Variants in CDH7 observed in about 807,000 individuals in gnomAD.
The protein encoded by CDH7 is cadherin-7.
In CDH7, 25 loss-of-function variants were observed where a neutral mutation model predicts 71.8. The observed-to-expected ratio is 0.35, with a 90% CI of 0.25 to 0.49. The LOEUF is 0.49. CDH7 is among the 20% of genes least tolerant of loss of function. The probability of loss-of-function intolerance (pLI) is 0.99; values close to 1 mark genes in which losing one functional copy is unlikely to be tolerated. For synonymous variants in CDH7, 381 were observed against 363.8 expected (o/e 1.05, Z -0.54); for missense variants, 862 against 974.6 (o/e 0.88, Z 1.54).
chr18:65,852,354 T>C (rs966000938), intron 7 of CDH7, among the ~76,000 whole-genome samples: 9 of 152,166 alleles, frequency 5.9e-5, no homozygotes, highest in Non-Finnish European at 1.3e-4. Flanking sequence ...TTAGAAATTG[T>C]GCTTGGCTAG....
chr18:65,781,767 T>TTTCCTTCC (rs1189209857), intron 2 of CDH7, among the ~76,000 whole-genome samples: 28 of 75,506 alleles, frequency 3.7e-4, no homozygotes, highest in East Asian at 7.9e-4. Context: ...TCTTTCTTTC[T>TTTCCTTCC]TTCCTTCCTT....
chr18:65,839,479 T>G (rs1293161666), intron 6 of CDH7, among the ~76,000 whole-genome samples: 1 of 152,186 alleles, frequency 6.6e-6, no homozygotes, highest in Non-Finnish European at 1.5e-5. Flanking sequence ...TCCCACCTCC[T>G]AATGGCATCA....
intron 6 of CDH7, among the ~76,000 whole-genome samples, chr18:65,838,020 G>A (rs572530592): frequency 4.7e-5 from 7 of 150,266 alleles, no homozygotes; most frequent in African/African-American, 1.5e-4. Context: ...TGCCTGCTGC[G>A]TTCAAGCAAT....
chr18:65,840,910 T>A (rs1240703887), intron 6 of CDH7, among the ~76,000 whole-genome samples: 1 of 152,160 alleles, frequency 6.6e-6, no homozygotes, highest in South Asian at 2.1e-4. Flanking sequence ...ATTTTTCAAG[T>A]ATAATCTTAG....
At chr18:65,763,592 GGGGTGT>G (rs200119792) in intron 2 of CDH7, among the ~76,000 whole-genome samples, 2,613 of 131,066 alleles carry the variant, frequency 0.02, 49 homozygotes, top group African/African-American at 0.052. Flanking sequence ...TTTTGATAGG[GGGGTGT>G]GTGTGTGTGT....
At chr18:65,869,196 A>G (rs1048985768) in intron 11 of CDH7, among the ~76,000 whole-genome samples, 7 of 145,832 alleles carry the variant, frequency 4.8e-5, no homozygotes, top group Non-Finnish European at 6.0e-5. Flanking sequence ...TCTGTCTCTT[A>G]TTGTTGCACC....
Position 65,880,485 on chromosome 18 carries a change from T to C in CDH7, c.1949T>C (p.Ile650Thr), listed in dbSNP as rs751419430. ...GAAGAAAGAGACATCAGAGAAAATA[T>C]TGTGAGATACGATGACGAGGGCGGG... ...FDEERDIRENIVRYDDEGGGE... is the reference protein window; with the variant it reads ...FDEERDIRENTVRYDDEGGGE... The change falls in exon 12 of 12, where the codon ATT (isoleucine) becomes ACT (threonine). Residue 650 changes from isoleucine to threonine, a missense_variant. Coordinates refer to ENST00000397968, the MANE Select transcript of CDH7 (RefSeq NM_004361.5). 2 of 1,600,544 alleles carry C rather than the reference T, an allele frequency of 1.2e-6. No individual in the cohort carries two copies. Among genetic ancestry groups the C allele is most frequent in the Admixed American group, 3.6e-5 (2 of 55,948 alleles).
At chr18:65,794,602 A>C (rs192548611) in intron 2 of CDH7, among the ~76,000 whole-genome samples, 22 of 152,120 alleles carry the variant, frequency 1.4e-4, no homozygotes, top group African/African-American at 5.3e-4. Context: ...GAAAAAAAAA[A>C]AAACCTGAAA....
chr18:65,809,680 C>T, intron 2 of CDH7, 24 bp from the exon 3 acceptor site: 1 of 1,592,546 alleles, frequency 6.3e-7, no homozygotes, highest in Non-Finnish European at 8.6e-7. Flanking sequence ...AAGTTAATCT[C>T]ATCTCACATG....
intron 6 of CDH7, among the ~76,000 whole-genome samples, chr18:65,826,049 AAATTCT>A (rs1157885483): frequency 2.0e-5 from 3 of 151,604 alleles, no homozygotes; most frequent in Admixed American, 6.6e-5. Flanking sequence ...GAATCTTTGA[AAATTCT>A]AAATTTAATA....
In CDH7 at chr18:65,880,442, G is replaced by A. The variant is rs1287864056; in HGVS notation, c.1906G>A (p.Glu636Lys). 1.3e-6 allele frequency: 2 copies of A among 1,565,208 alleles called. No homozygotes were observed. Among genetic ancestry groups the A allele is most frequent in the Non-Finnish European group, 1.7e-6 (2 of 1,162,738 alleles). ...CGTCACTATGAGAAGACGGAAAAAA[G>A]AGCCCCTTATTTTTGACGAAGAAAG... ...LIVTMRRRKK[E>K]PLIFDEERDI... Residue 636 changes from glutamate to lysine, a missense_variant, in exon 12 of 12, where the codon GAG (glutamate) becomes AAG (lysine). Coordinates refer to ENST00000397968, the MANE Select transcript of CDH7 (RefSeq NM_004361.5).
intron 2 of CDH7, among the ~76,000 whole-genome samples, chr18:65,791,752 G>A (rs1233816378): frequency 6.6e-6 from 1 of 152,184 alleles, no homozygotes; most frequent in East Asian, 1.9e-4. Flanking sequence ...ATGTAATCCT[G>A]CGATGCTCAC....
At chr18:65,773,465 G>GT (rs1916605671) in intron 2 of CDH7, among the ~76,000 whole-genome samples, 1 of 152,092 alleles carries the variant, frequency 6.6e-6, no homozygotes, top group South Asian at 2.1e-4. Context: ...GAGTGATCAG[G>GT]TAGCCTGAGG....
At chr18:65,843,656 A>C (rs1912816739) in intron 6 of CDH7, among the ~76,000 whole-genome samples, 156 bp from the exon 7 acceptor site, 1 of 152,150 alleles carries the variant, frequency 6.6e-6, no homozygotes, top group Non-Finnish European at 1.5e-5. Context: ...AGCAACAAGA[A>C]ATCTGATTGG....
In CDH7 at chr18:65,857,890, C is replaced by T; in HGVS notation, c.1310C>T (p.Ala437Val). 1 of 1,613,590 alleles carries T rather than the reference C, an allele frequency of 6.2e-7. No individual in the cohort carries two copies. Among genetic ancestry groups the T allele is most frequent in the South Asian group, 1.1e-5 (1 of 91,070 alleles). ...IDANSGVITT[A>V]KSLDRETNAI... is the part of the protein sequence containing the mutation. Reference sequence around the variant, plus strand: ...GCCAACAGTGGGGTCATCACAACTGCCAAGTCTTTGGATCGAGAGACAAAT... The same window carrying T: ...GCCAACAGTGGGGTCATCACAACTGTCAAGTCTTTGGATCGAGAGACAAAT... The change falls in exon 8 of 12, where the codon GCC (alanine) becomes GTC (valine). Residue 437 changes from alanine to valine, a missense_variant. Physicochemically the swap from Ala to Val is moderately conservative, Grantham distance 64. Coordinates refer to ENST00000397968, the MANE Select transcript of CDH7 (RefSeq NM_004361.5).
chr18:65,864,660 G>A (rs1326690853), intron 11 of CDH7, among the ~76,000 whole-genome samples: 1 of 151,456 alleles, frequency 6.6e-6, no homozygotes, highest in East Asian at 1.9e-4. Context: ...AGGCTGAGGC[G>A]GGCGGATCAT....
At chr18:65,784,090 C>T (rs930695403) in intron 2 of CDH7, among the ~76,000 whole-genome samples, 1 of 148,198 alleles carries the variant, frequency 6.7e-6, no homozygotes, top group Non-Finnish European at 1.5e-5. Flanking sequence ...TAGCTGGGAA[C>T]ACAGGCATTA....
chr18:65,838,847 A>G (rs1162211387), intron 6 of CDH7, among the ~76,000 whole-genome samples: 1 of 152,252 alleles, frequency 6.6e-6, no homozygotes, highest in Non-Finnish European at 1.5e-5. Flanking sequence ...GCCAAAGACA[A>G]CAACCTAGGT....
intron 2 of CDH7, among the ~76,000 whole-genome samples, chr18:65,774,076 A>G (rs536553935): frequency 1.3e-5 from 2 of 152,252 alleles, no homozygotes; most frequent in South Asian, 2.1e-4. Context: ...TTGAACCTCA[A>G]TAATCTGTGA....
Sources: gnomAD v4.1 joint callset for allele counts (sites outside exome capture counted in the v4.1 genomes callset) on GRCh38, gnomAD v4.1.1 for gene constraint, MANE v1.5 for transcripts, NCBI Gene and HGNC (gene_info 2026-07-23, HGNC 2026-07-21) for gene names.